CNTNAP5: variants seen among roughly 807,000 people sequenced by gnomAD.
The protein encoded by CNTNAP5 is contactin associated protein family member 5, also known as contactin-associated protein-like 5.
A neutral mutation model predicts 150.2 loss-of-function variants in CNTNAP5; 72 were observed. The ratio of observed to expected loss-of-function variants is 0.48; its 90% CI spans 0.40 to 0.58. CNTNAP5 has a LOEUF of 0.58. Ranked by LOEUF, CNTNAP5 falls within the 20% of genes least tolerant of loss-of-function variation. The probability of loss-of-function intolerance (pLI) is 0.00; values close to 1 mark genes in which losing one functional copy is unlikely to be tolerated. For synonymous variants in CNTNAP5, 672 were observed against 619.8 expected (o/e 1.08, Z -1.25); for missense variants, 1,636 against 1,626.2 (o/e 1.01, Z -0.10).
At chr2:124,042,610 A>G (rs1213966) in intron 1 of CNTNAP5, among the ~76,000 whole-genome samples, 146,854 of 152,158 alleles carry the variant, frequency 0.97, 71,076 homozygotes, top group East Asian at 1. Flanking sequence ...TTTTCAAAGC[A>G]TTTTTAAGGT....
At chr2:124,170,262 TTG>T (rs1491563451) in intron 1 of CNTNAP5, among the ~76,000 whole-genome samples, 6 of 27,826 alleles carry the variant, frequency 2.2e-4, no homozygotes, top group Admixed American at 1.1e-3. Flanking sequence ...GTTTTTGTTT[TTG>T]TTTTTCCTGA....
At chr2:124,782,988 G>A (rs1308087808) in intron 17 of CNTNAP5, among the ~76,000 whole-genome samples, 2 of 152,124 alleles carry the variant, frequency 1.3e-5, no homozygotes, top group East Asian at 3.9e-4. Context: ...ATGGACAAAT[G>A]TCATCAATAC....
At chr2:124,257,111 TC>T (rs1436104305) in intron 3 of CNTNAP5, among the ~76,000 whole-genome samples, 7 of 152,180 alleles carry the variant, frequency 4.6e-5, no homozygotes, top group Non-Finnish European at 1.0e-4. Context: ...GGAAGATTCT[TC>T]CCTGGGGTTT....
chr2:124,890,097 G>C (rs534241834), intron 21 of CNTNAP5, among the ~76,000 whole-genome samples: 1 of 152,092 alleles, frequency 6.6e-6, no homozygotes, highest in African/African-American at 2.4e-5. Context: ...TGATTTGAGA[G>C]GTGAGAAAAT....
At chr2:124,829,280 C>A (rs570493703) in intron 19 of CNTNAP5, among the ~76,000 whole-genome samples, 1 of 152,142 alleles carries the variant, frequency 6.6e-6, no homozygotes, top group African/African-American at 2.4e-5. Flanking sequence ...CAAGATCCCC[C>A]CTTTGATCAT....
intron 19 of CNTNAP5, among the ~76,000 whole-genome samples, chr2:124,828,038 G>A (rs1682634757): frequency 1.3e-5 from 2 of 152,158 alleles, no homozygotes; most frequent in Non-Finnish European, 1.5e-5. Context: ...GTGTGCCATG[G>A]ACAGGGATGT....
chr2:124,119,473 C>T (rs890466035), intron 1 of CNTNAP5, among the ~76,000 whole-genome samples: 11 of 151,054 alleles, frequency 7.3e-5, no homozygotes, highest in Non-Finnish European at 1.5e-5. Context: ...AAATCTTGTT[C>T]TCACCAGTAA....
chr2:124,904,843 C>G (rs1032191171), intron 22 of CNTNAP5, among the ~76,000 whole-genome samples: 5 of 150,704 alleles, frequency 3.3e-5, no homozygotes, highest in African/African-American at 4.9e-5. Flanking sequence ...TACATGACAC[C>G]AAAAGTATGA....
intron 2 of CNTNAP5, among the ~76,000 whole-genome samples, chr2:124,232,401 C>A (rs1352653770): frequency 6.6e-6 from 1 of 152,138 alleles, no homozygotes; most frequent in Non-Finnish European, 1.5e-5. Flanking sequence ...TTGTTGGATA[C>A]TGGAGTCTTC....
At chr2:124,404,535 G>C (rs1691519936) in intron 3 of CNTNAP5, among the ~76,000 whole-genome samples, 2 of 152,198 alleles carry the variant, frequency 1.3e-5, no homozygotes, top group African/African-American at 4.8e-5. Flanking sequence ...CAGCACCTTT[G>C]TGTGACCACA....
At position 124,434,608 on chromosome 2, in the gene CNTNAP5, G is replaced by A. The variant is rs770428893; in HGVS notation, c.654G>A (p.Leu218=). The A allele has an allele frequency of 1.2e-6, 2 of 1,613,940 alleles. No homozygotes were observed. The highest frequency in any genetic ancestry group is 1.1e-5 in the South Asian group (1 of 91,078). The change falls in exon 5 of 24, where the codon CTG becomes CTA. Residue 218 remains leucine, a synonymous_variant. Transcript: ENST00000682447. ...AGAGCATGCAAGGAGATGGGGTCCT[G>A]TTCCATGGAGAAGGTCAGCGTGGAG... ...KFKSMQGDGV[L]FHGEGQRGDH... is the part of the protein sequence containing the mutation.
chr2:124,266,315 TA>T (rs1371883173), intron 3 of CNTNAP5, among the ~76,000 whole-genome samples: 1 of 152,196 alleles, frequency 6.6e-6, no homozygotes, highest in Non-Finnish European at 1.5e-5. Context: ...TGACCATTTT[TA>T]AGAACTAAAT....
chr2:124,886,969 G>T (rs1351761344), intron 21 of CNTNAP5, among the ~76,000 whole-genome samples: 1 of 152,034 alleles, frequency 6.6e-6, no homozygotes, highest in East Asian at 1.9e-4. Context: ...ACTTCTGTGT[G>T]TGGTCATCCT....
intron 14 of CNTNAP5, among the ~76,000 whole-genome samples, chr2:124,751,875 C>T (rs1280682785): frequency 6.6e-6 from 1 of 152,160 alleles, no homozygotes; most frequent in African/African-American, 2.4e-5. Context: ...ATATACTGTA[C>T]CTCATATTAA....
intron 9 of CNTNAP5, among the ~76,000 whole-genome samples, chr2:124,527,040 TGTTACA>T (rs1694984326): frequency 6.6e-6 from 1 of 152,170 alleles, no homozygotes; most frequent in Non-Finnish European, 1.5e-5. Flanking sequence ...AGGAGACACA[TGTTACA>T]GTATTGGTAT....
In CNTNAP5 at chr2:124,184,477, CA is replaced by C. The variant is rs527865527; in HGVS notation, c.83-37222del. Reference sequence around the variant, plus strand: ...AAATCTTGCATGGGACATATTTACACAAAAAAGTTATTCATTGTCAAATTGA... The same window carrying C: ...AAATCTTGCATGGGACATATTTACACAAAAAGTTATTCATTGTCAAATTGA... On this transcript the variant is annotated intron_variant, in intron 1 of 23. Transcript: ENST00000682447. Among the ~76,000 whole-genome samples the C allele has an allele frequency of 1.6e-4, 25 of 152,230 alleles. No homozygotes were observed. The South Asian group carries it at 5.0e-3, about 30-fold the overall frequency.
At chr2:124,205,812 C>A (rs1685849732) in intron 1 of CNTNAP5, among the ~76,000 whole-genome samples, 1 of 152,168 alleles carries the variant, frequency 6.6e-6, no homozygotes, top group African/African-American at 2.4e-5. Flanking sequence ...TTTGCTGCCT[C>A]CTTTTTTTCT....
intron 1 of CNTNAP5, among the ~76,000 whole-genome samples, chr2:124,165,789 G>A (rs1318179305): frequency 2.0e-5 from 3 of 152,122 alleles, no homozygotes; most frequent in East Asian, 1.9e-4. Context: ...CTGCCTCTAC[G>A]ATTAAAAATC....
At chr2:124,883,196 G>A (rs1249271906) in intron 21 of CNTNAP5, among the ~76,000 whole-genome samples, 1 of 151,684 alleles carries the variant, frequency 6.6e-6, no homozygotes, top group Non-Finnish European at 1.5e-5. Flanking sequence ...CAAGTAGCTG[G>A]GAAGACAAGG....
Sources: allele counts gnomAD v4.1 joint callset (sites outside exome capture counted in the v4.1 genomes callset), GRCh38; gene constraint gnomAD v4.1.1; transcripts MANE v1.5; gene names NCBI Gene and HGNC (gene_info 2026-07-23, HGNC 2026-07-21).